The following NKAIN3 variants were observed in gnomAD, a reference collection of about 807,000 sequenced individuals.
NKAIN3 encodes sodium/potassium transporting ATPase interacting 3.
NKAIN3 carries 25 observed loss-of-function variants against 30.2 expected under a neutral mutation model. The observed-to-expected ratio is 0.83, with a 90% CI of 0.60 to 1.16. The LOEUF is 1.16. Ranked by LOEUF, NKAIN3 falls within the 50% of genes most tolerant of loss-of-function variation. NKAIN3 has a pLI of 0.00. For synonymous variants in NKAIN3, 91 were observed against 89.6 expected (o/e 1.02, Z -0.09); for missense variants, 225 against 254.1 (o/e 0.89, Z 0.78).
chr8:62,418,888 C>T (rs1804543136), intron 1 of NKAIN3, among the ~76,000 whole-genome samples: 1 of 152,132 alleles, frequency 6.6e-6, no homozygotes, highest in Non-Finnish European at 1.5e-5. Context: ...ACTGTATGAA[C>T]CAGGGAAGGT....
chr8:62,902,451 G>C (rs1402243857), intron 4 of NKAIN3, among the ~76,000 whole-genome samples: 6 of 152,114 alleles, frequency 3.9e-5, no homozygotes, highest in African/African-American at 1.4e-4. Context: ...CCAGTTTCTT[G>C]GGTCTGACTG....
At chr8:62,581,285 C>G (rs1810285198) in intron 2 of NKAIN3, among the ~76,000 whole-genome samples, 1 of 152,014 alleles carries the variant, frequency 6.6e-6, no homozygotes, top group Admixed American at 6.6e-5. Flanking sequence ...TTATCAAATT[C>G]TAAATGTGTT....
chr8:62,846,387 A>G (rs1308536961), intron 4 of NKAIN3, among the ~76,000 whole-genome samples: 1 of 152,116 alleles, frequency 6.6e-6, no homozygotes, highest in East Asian at 1.9e-4. Flanking sequence ...ATAGGTAAAC[A>G]TGTGCCATGA....
rs1039616698 is a variant in NKAIN3 at position 62,982,437 on chromosome 8, G to T, written c.*17030G>T. 5.9e-5 allele frequency: 9 copies of T among 152,128 alleles called. No homozygotes were observed. Among genetic ancestry groups the T allele is most frequent in the Non-Finnish European group, 1.2e-4 (8 of 68,006 alleles). The allele number at this position is 152,128 out of a possible 1,614,324, so 9.4% of individuals were successfully genotyped here. On this transcript the variant is annotated 3_prime_UTR_variant, in exon 7 of 7. Transcript: ENST00000623646. ...ATGTGGTGGCCCCGCAGTCATTATG[G>T]TCTTGTTAAATAATTAGATTTGTGT...
At chr8:62,932,068 G>C (rs1408925217) in intron 5 of NKAIN3, among the ~76,000 whole-genome samples, 1 of 152,130 alleles carries the variant, frequency 6.6e-6, no homozygotes, top group Non-Finnish European at 1.5e-5. Flanking sequence ...TTTAATTTTA[G>C]ACTTTTAAGT....
At chr8:62,268,160 TG>T (rs892917736) in intron 1 of NKAIN3, among the ~76,000 whole-genome samples, 1 of 152,184 alleles carries the variant, frequency 6.6e-6, no homozygotes, top group African/African-American at 2.4e-5. Context: ...CAGGTTCCCT[TG>T]GTCTTCCAGC....
At chr8:62,623,688 T>C (rs1429140582) in intron 3 of NKAIN3, among the ~76,000 whole-genome samples, 3 of 152,108 alleles carry the variant, frequency 2.0e-5, no homozygotes, top group Non-Finnish European at 4.4e-5. Context: ...TCTCTGAATT[T>C]TTGTTTGTAT....
chr8:62,981,190 C>G lies in NKAIN3; in HGVS notation c.*15783C>G, dbSNP rs1824065957. On this transcript the variant is annotated 3_prime_UTR_variant, in exon 7 of 7. Transcript: ENST00000623646. Reference sequence around the variant, plus strand: ...CTTCCTTGATTCTATTCTGCCTAAGCCTCTTATTTCCACATCTATAAGTAT... The same window carrying G: ...CTTCCTTGATTCTATTCTGCCTAAGGCTCTTATTTCCACATCTATAAGTAT... 6.6e-6 allele frequency: 1 copy of G among 152,128 alleles called. No individual in the cohort carries two copies. Among genetic ancestry groups the G allele is most frequent in the Non-Finnish European group, 1.5e-5 (1 of 68,026 alleles). 9.4% of individuals were successfully genotyped at this position (152,128 alleles called of 1,614,324 possible).
chr8:62,746,022 A>G (rs1816057027), intron 3 of NKAIN3, among the ~76,000 whole-genome samples: 2 of 152,210 alleles, frequency 1.3e-5, no homozygotes, highest in Admixed American at 1.3e-4. Flanking sequence ...TCATCACAAA[A>G]TTGATAGCTT....
At chr8:62,853,803 C>T (rs1201337202) in intron 4 of NKAIN3, among the ~76,000 whole-genome samples, 3 of 151,986 alleles carry the variant, frequency 2.0e-5, no homozygotes, top group Admixed American at 6.6e-5. Context: ...GTTGTTAACT[C>T]GAGATCTTTC....
chr8:62,753,323 G>A (rs1374121820), intron 4 of NKAIN3, among the ~76,000 whole-genome samples: 1 of 151,796 alleles, frequency 6.6e-6, no homozygotes, highest in Non-Finnish European at 1.5e-5. Context: ...ATCAATTAAT[G>A]TCATCCTACA....
At chr8:62,415,130 C>T (rs1198460916) in intron 1 of NKAIN3, among the ~76,000 whole-genome samples, 7 of 94,778 alleles carry the variant, frequency 7.4e-5, no homozygotes, top group African/African-American at 2.3e-4. Flanking sequence ...ATATAATATA[C>T]TATAGTATAT....
Position 62,431,179 on chromosome 8 carries a change from G to T in NKAIN3, c.55-148360G>T, listed in dbSNP as rs573101338. On this transcript the variant is annotated intron_variant, in intron 1 of 6. Coordinates refer to ENST00000623646, the MANE Select transcript of NKAIN3 (RefSeq NM_001304533.3). ...ACATCCAAAGATAGTCTGAATCAAA[G>T]ATTTATATCTTGTTGGATTTCTTTT... Among the ~76,000 whole-genome samples, 105 of 151,980 alleles carry T rather than the reference G, an allele frequency of 6.9e-4. 2 individuals are homozygous for T. In the South Asian group the frequency reaches 0.022, roughly 31 times the overall value.
At chr8:62,311,276 A>G (rs1814420563) in intron 1 of NKAIN3, among the ~76,000 whole-genome samples, 1 of 150,380 alleles carries the variant, frequency 6.6e-6, no homozygotes, top group Non-Finnish European at 1.5e-5. Context: ...AGAGACGGGT[A>G]CTGGGTAACT....
At chr8:62,427,395 C>T (rs1804840612) in intron 1 of NKAIN3, among the ~76,000 whole-genome samples, 1 of 151,928 alleles carries the variant, frequency 6.6e-6, no homozygotes, top group Non-Finnish European at 1.5e-5. Context: ...GATCCTGGGT[C>T]CCCTACTGTC....
intron 5 of NKAIN3, among the ~76,000 whole-genome samples, chr8:62,952,233 T>C (rs1823302536): frequency 6.6e-6 from 1 of 152,072 alleles, no homozygotes; most frequent in Non-Finnish European, 1.5e-5. Flanking sequence ...CAATACAATT[T>C]TTGTGAAGTA....
At position 62,520,234 on chromosome 8, in the gene NKAIN3, G is replaced by A. The variant is rs116222950; in HGVS notation, c.55-59305G>A. 6.7e-3 allele frequency among the ~76,000 whole-genome samples: 1,025 copies of A among 152,058 alleles called. 12 individuals are homozygous for A. The highest frequency in any genetic ancestry group is 0.023 in the African/African-American group (966 of 41,506). ...TTTAAAATCCCACAGTTCTGACTTC[G>A]TTCTTTTCCTCTTTCAACCTTTTAA... On this transcript the variant is annotated intron_variant, in intron 1 of 6. Coordinates refer to ENST00000623646, the MANE Select transcript of NKAIN3 (RefSeq NM_001304533.3).
At chr8:62,816,188 C>G (rs1036493424) in intron 4 of NKAIN3, among the ~76,000 whole-genome samples, 9 of 152,110 alleles carry the variant, frequency 5.9e-5, no homozygotes, top group African/African-American at 1.9e-4. Flanking sequence ...TCAGGAAATA[C>G]TTTTTCCTGT....
chr8:62,967,186 G>A lies in NKAIN3; in HGVS notation c.*1779G>A, dbSNP rs1220262017. Reference sequence around the variant, plus strand: ...TGCAGATGAGGGGGCTGAAGCCTAAGGGATTTGGTGAACTTGTCCAGAGCC... The same window carrying A: ...TGCAGATGAGGGGGCTGAAGCCTAAAGGATTTGGTGAACTTGTCCAGAGCC... On this transcript the variant is annotated 3_prime_UTR_variant, in exon 7 of 7. Transcript: ENST00000623646. Among the ~76,000 whole-genome samples, 2 of 152,180 alleles carry A rather than the reference G, an allele frequency of 1.3e-5. No homozygotes were observed. The highest frequency in any genetic ancestry group is 2.9e-5 in the Non-Finnish European group (2 of 68,042).
Sources: allele counts gnomAD v4.1 joint callset (sites outside exome capture counted in the v4.1 genomes callset), GRCh38; gene constraint gnomAD v4.1.1; transcripts MANE v1.5; gene names NCBI Gene and HGNC (gene_info 2026-07-23, HGNC 2026-07-21).